CHRM3: variants seen among roughly 807,000 people sequenced by gnomAD.
CHRM3 encodes the protein cholinergic receptor muscarinic 3, also known as muscarinic acetylcholine receptor M3.
Under a neutral mutation model 41.8 loss-of-function variants are expected in CHRM3, and 11 were observed. The ratio of observed to expected loss-of-function variants is 0.26; its 90% CI spans 0.17 to 0.44. CHRM3 has a LOEUF of 0.44. Ranked by LOEUF, CHRM3 falls within the 20% of genes least tolerant of loss-of-function variation. The probability of loss-of-function intolerance (pLI) is 1.00; values close to 1 mark genes in which losing one functional copy is unlikely to be tolerated. For missense variants in CHRM3, 571 were observed against 745.4 expected (o/e 0.77, Z 2.72); for synonymous variants, 297 against 301.4 (o/e 0.99, Z 0.15).
chr1:239,657,657 T>C (rs1159073501), intron 4 of CHRM3, among the ~76,000 whole-genome samples: 1 of 152,236 alleles, frequency 6.6e-6, no homozygotes, highest in Non-Finnish European at 1.5e-5. Flanking sequence ...ATCGGAAATA[T>C]CTTAGGCATT....
intron 1 of CHRM3, among the ~76,000 whole-genome samples, chr1:239,412,246 T>A (rs1282558571): frequency 2.3e-5 from 3 of 129,166 alleles, no homozygotes; most frequent in African/African-American, 8.8e-5. Flanking sequence ...TTTTCTTTTT[T>A]TTTTGTCGTT....
chr1:239,871,806 T>A (rs1034562126), intron 6 of CHRM3, among the ~76,000 whole-genome samples: 1 of 152,196 alleles, frequency 6.6e-6, no homozygotes, highest in Non-Finnish European at 1.5e-5. Context: ...CCTGGGATAG[T>A]TTCTCCTTTC....
intron 1 of CHRM3, among the ~76,000 whole-genome samples, chr1:239,444,537 T>C (rs963166474): frequency 1.3e-5 from 2 of 151,862 alleles, no homozygotes; most frequent in Admixed American, 6.6e-5. Flanking sequence ...GAGGGGTGAA[T>C]AGGACTTTGT....
intron 2 of CHRM3, among the ~76,000 whole-genome samples, chr1:239,513,942 CTTAG>C (rs1669092036): frequency 6.6e-6 from 1 of 152,046 alleles, no homozygotes; most frequent in African/African-American, 2.4e-5. Context: ...AGTTGCTATA[CTTAG>C]TTATTCAGTG....
chr1:239,740,089 C>A (rs533447503), intron 5 of CHRM3, among the ~76,000 whole-genome samples: 1 of 152,146 alleles, frequency 6.6e-6, no homozygotes, highest in African/African-American at 2.4e-5. Context: ...AGAAGAGTTA[C>A]CCTGCTGTGA....
chr1:239,776,291 T>G (rs1668077191), intron 5 of CHRM3, among the ~76,000 whole-genome samples: 1 of 152,194 alleles, frequency 6.6e-6, no homozygotes, highest in South Asian at 2.1e-4. Flanking sequence ...ATACAATAAG[T>G]GCCTTATAAG....
At chr1:239,754,731 G>A (rs61836669) in intron 5 of CHRM3, among the ~76,000 whole-genome samples, 5,485 of 152,256 alleles carry the variant, frequency 0.036, 152 homozygotes, top group Admixed American at 0.062. Flanking sequence ...AGAATCTGTG[G>A]GGACTAGTGC....
chr1:239,519,779 G>A (rs1294726845), intron 2 of CHRM3, among the ~76,000 whole-genome samples: 3 of 110,262 alleles, frequency 2.7e-5, no homozygotes, highest in East Asian at 2.7e-4. Flanking sequence ...ACAGAGTCTC[G>A]CTCAGTCACC....
chr1:239,455,455 G>T (rs1225161177), intron 1 of CHRM3, among the ~76,000 whole-genome samples: 1 of 152,024 alleles, frequency 6.6e-6, no homozygotes, highest in South Asian at 2.1e-4. Context: ...ACAGTTCCAT[G>T]CATGTTCACT....
intron 5 of CHRM3, among the ~76,000 whole-genome samples, chr1:239,793,576 CA>C (rs1230618490): frequency 6.6e-6 from 1 of 152,154 alleles, no homozygotes; most frequent in Admixed American, 6.5e-5. Context: ...TTAAATATAT[CA>C]GATGAGGAGT....
chr1:239,870,880 G>A (rs1256446690), intron 6 of CHRM3, among the ~76,000 whole-genome samples: 1 of 152,008 alleles, frequency 6.6e-6, no homozygotes, highest in African/African-American at 2.4e-5. Flanking sequence ...TTTCGCCTAA[G>A]GCATACCTGA....
chr1:239,416,624 G>A (rs1661522234), intron 1 of CHRM3, among the ~76,000 whole-genome samples: 1 of 152,018 alleles, frequency 6.6e-6, no homozygotes, highest in Non-Finnish European at 1.5e-5. Context: ...TAATGTTTAT[G>A]TCAAGAGGAA....
chr1:239,809,803 G>A (rs1670976001), intron 5 of CHRM3, among the ~76,000 whole-genome samples: 1 of 152,130 alleles, frequency 6.6e-6, no homozygotes, highest in Non-Finnish European at 1.5e-5. Flanking sequence ...CTGGCCTACT[G>A]TAGTTGTTTT....
At chr1:239,400,769 ATTTATTTTTGGGCTC>A (rs1659900529) in intron 1 of CHRM3, among the ~76,000 whole-genome samples, 1 of 152,106 alleles carries the variant, frequency 6.6e-6, no homozygotes, top group South Asian at 2.1e-4. Flanking sequence ...AAATACAAAG[ATTTATTTTTGGGCTC>A]TTTATTCCAT....
chr1:239,521,192 A>G (rs1450267436), intron 2 of CHRM3, among the ~76,000 whole-genome samples: 1 of 152,244 alleles, frequency 6.6e-6, no homozygotes, highest in Non-Finnish European at 1.5e-5. Context: ...ACTATTAGCC[A>G]AAGGCTAAAG....
intron 5 of CHRM3, among the ~76,000 whole-genome samples, chr1:239,766,485 A>T (rs1056462807): frequency 4.6e-5 from 7 of 152,176 alleles, no homozygotes; most frequent in Admixed American, 2.6e-4. Context: ...ACACAAGTTA[A>T]CCTATGTAAC....
At chr1:239,836,244 A>G (rs918738115) in intron 6 of CHRM3, among the ~76,000 whole-genome samples, 2 of 152,216 alleles carry the variant, frequency 1.3e-5, no homozygotes, top group Non-Finnish European at 2.9e-5. Context: ...CAGCTACTTC[A>G]AAAACAAAGT....
intron 1 of CHRM3, among the ~76,000 whole-genome samples, chr1:239,465,975 A>C (rs994185033): frequency 6.6e-6 from 1 of 151,806 alleles, no homozygotes; most frequent in East Asian, 1.9e-4. Context: ...GTTTATGATG[A>C]TCCATTTCCT....
intron 1 of CHRM3, among the ~76,000 whole-genome samples, chr1:239,445,740 T>C (rs2103282256): frequency 6.6e-6 from 1 of 152,324 alleles, no homozygotes; most frequent in Non-Finnish European, 1.5e-5. Context: ...GTATTAGCTC[T>C]TATTATTACT....
Sources: gnomAD v4.1 joint callset for allele counts (sites outside exome capture counted in the v4.1 genomes callset) on GRCh38, gnomAD v4.1.1 for gene constraint, MANE v1.5 for transcripts, NCBI Gene and HGNC (gene_info 2026-07-23, HGNC 2026-07-21) for gene names.